The following WWOX variants were observed in gnomAD, a reference collection of about 807,000 sequenced individuals.
WWOX encodes the protein WW domain-containing oxidoreductase.
WWOX carries 69 observed loss-of-function variants against 46.2 expected under a neutral mutation model. The ratio of observed to expected loss-of-function variants is 1.49; its 90% CI spans 1.23 to 1.82. WWOX has a LOEUF of 1.82. Among genes scored for constraint, WWOX ranks in the 40% most tolerant of loss-of-function variants. The pLI is 0.00. For synonymous variants in WWOX, 359 were observed against 202.6 expected (o/e 1.77, Z -6.56); for missense variants, 919 against 542.6 (o/e 1.69, Z -6.89).
intron 8 of WWOX, among the ~76,000 whole-genome samples, chr16:78,945,148 C>T (rs912474411): frequency 6.6e-6 from 1 of 151,942 alleles, no homozygotes; most frequent in South Asian, 2.1e-4. Context: ...CCTCTGGAGT[C>T]CACCCTGGGT....
chr16:78,848,173 A>G (rs1244192090), intron 8 of WWOX, among the ~76,000 whole-genome samples: 1 of 152,226 alleles, frequency 6.6e-6, no homozygotes, highest in Non-Finnish European at 1.5e-5. Context: ...TGGGTTTTGC[A>G]GGGGTTTAAT....
chr16:78,141,274 A>G (rs1480413566), intron 4 of WWOX, among the ~76,000 whole-genome samples: 1 of 152,168 alleles, frequency 6.6e-6, no homozygotes, highest in Non-Finnish European at 1.5e-5. Context: ...CGGAGATGGT[A>G]TGATTGTACA....
chr16:78,198,786 T>TTATA (rs138131193), intron 5 of WWOX, among the ~76,000 whole-genome samples: 3 of 150,964 alleles, frequency 2.0e-5, no homozygotes, highest in African/African-American at 7.3e-5. Context: ...TGTAAACATT[T>TTATA]TATATATATA....
intron 8 of WWOX, among the ~76,000 whole-genome samples, chr16:78,454,034 T>C (rs1004042216): frequency 1.3e-5 from 2 of 152,198 alleles, no homozygotes; most frequent in African/African-American, 4.8e-5. Flanking sequence ...GTGAGAAATA[T>C]ATGCCATTAA....
chr16:78,933,747 T>C (rs2045673624), intron 8 of WWOX, among the ~76,000 whole-genome samples: 1 of 152,118 alleles, frequency 6.6e-6, no homozygotes, highest in Admixed American at 6.5e-5. Flanking sequence ...TCGTGAGACT[T>C]ATTCACTATC....
intron 8 of WWOX, among the ~76,000 whole-genome samples, chr16:78,471,930 C>T (rs2084231938): frequency 6.6e-6 from 1 of 151,960 alleles, no homozygotes; most frequent in Non-Finnish European, 1.5e-5. Context: ...GTTTTTGATT[C>T]TACACATACT....
intron 8 of WWOX, among the ~76,000 whole-genome samples, chr16:78,755,002 C>T (rs1167934082): frequency 6.9e-6 from 1 of 145,768 alleles, no homozygotes; most frequent in Admixed American, 7.2e-5. Context: ...ACAATGAGAA[C>T]ACGTGGACAA....
intron 8 of WWOX, among the ~76,000 whole-genome samples, chr16:78,705,658 A>C (rs1018151935): frequency 6.6e-6 from 1 of 152,218 alleles, no homozygotes; most frequent in African/African-American, 2.4e-5. Context: ...ATGATCACCC[A>C]TGTAAAACTG....
At chr16:78,764,512 C>G (rs956313174) in intron 8 of WWOX, among the ~76,000 whole-genome samples, 4 of 145,666 alleles carry the variant, frequency 2.7e-5, no homozygotes, top group African/African-American at 1.0e-4. Context: ...TTGTCTAGAA[C>G]CTGTGTTCTC....
chr16:78,448,622 G>A (rs1257129389), intron 8 of WWOX, among the ~76,000 whole-genome samples: 1 of 152,184 alleles, frequency 6.6e-6, no homozygotes, highest in Non-Finnish European at 1.5e-5. Flanking sequence ...CAGGAGCATG[G>A]CTCACAAATT....
At chr16:78,597,084 C>A (rs889181794) in intron 8 of WWOX, among the ~76,000 whole-genome samples, 1 of 152,182 alleles carries the variant, frequency 6.6e-6, no homozygotes, top group Admixed American at 6.5e-5. Flanking sequence ...CAGGTGCTTA[C>A]GACCTGGGTG....
intron 8 of WWOX, among the ~76,000 whole-genome samples, chr16:79,090,764 G>A (rs1199386434): frequency 6.6e-6 from 1 of 152,128 alleles, no homozygotes; most frequent in Non-Finnish European, 1.5e-5. Context: ...GACTGAGGAG[G>A]CTTGGCCATG....
chr16:78,991,876 C>G (rs554078759), intron 8 of WWOX, among the ~76,000 whole-genome samples: 3 of 152,136 alleles, frequency 2.0e-5, no homozygotes, highest in African/African-American at 7.2e-5. Context: ...GCCCTGTGGT[C>G]TTGCGATCAC....
chr16:79,185,896 A>T (rs2051003914), intron 8 of WWOX, among the ~76,000 whole-genome samples: 2 of 152,118 alleles, frequency 1.3e-5, no homozygotes, highest in African/African-American at 4.8e-5. Context: ...CTGAGGCCTG[A>T]TATTAGGAAA....
chr16:78,440,365 C>G (rs4297688), intron 8 of WWOX, among the ~76,000 whole-genome samples: 17,744 of 152,036 alleles, frequency 0.12, 1,316 homozygotes, highest in East Asian at 0.2. Context: ...CTAGAATACT[C>G]CTCCTCCACT....
intron 8 of WWOX, among the ~76,000 whole-genome samples, chr16:78,852,781 G>C (rs563765656): frequency 7.2e-5 from 11 of 152,310 alleles, no homozygotes; most frequent in Admixed American, 3.9e-4. Flanking sequence ...AGAAAATGTA[G>C]GAGTTCCTCA....
chr16:78,841,105 A>C (rs2052133322), intron 8 of WWOX, among the ~76,000 whole-genome samples: 1 of 152,030 alleles, frequency 6.6e-6, no homozygotes, highest in African/African-American at 2.4e-5. Context: ...TTCGGTAAAA[A>C]ACTTGTTTCC....
chr16:78,207,673 A>G (rs553925516), intron 5 of WWOX, among the ~76,000 whole-genome samples: 17 of 151,914 alleles, frequency 1.1e-4, no homozygotes, highest in African/African-American at 3.4e-4. Context: ...TAACAGGATA[A>G]CAGTGCATTG....
At chr16:78,617,204 G>C (rs1256270677) in intron 8 of WWOX, among the ~76,000 whole-genome samples, 1 of 152,136 alleles carries the variant, frequency 6.6e-6, no homozygotes. Context: ...TTGAGCCCCG[G>C]AGTTGAAGAC....
Sources: gnomAD v4.1 joint callset for allele counts (sites outside exome capture counted in the v4.1 genomes callset) on GRCh38, gnomAD v4.1.1 for gene constraint, MANE v1.5 for transcripts, NCBI Gene and HGNC (gene_info 2026-07-23, HGNC 2026-07-21) for gene names.